TMED3: variants seen among roughly 807,000 people sequenced by gnomAD.
TMED3 encodes the protein transmembrane emp24 domain-containing protein 3.
TMED3 carries 9 observed loss-of-function variants against 15.0 expected under a neutral mutation model. That is an observed-to-expected ratio of 0.60 (90% CI 0.36 to 1.04). The LOEUF (loss-of-function observed/expected upper bound fraction) is 1.04, where lower values mean the gene tolerates loss of function less well. Among genes scored for constraint, TMED3 ranks in the 50% least tolerant of loss-of-function variants. TMED3 has a pLI of 0.01. For missense variants in TMED3, 267 were observed against 278.9 expected, an observed-to-expected ratio of 0.96 and a Z score of 0.30; for synonymous variants, 117 against 121.4, an observed-to-expected ratio of 0.96 and a Z score of 0.24.
At chr15:79,380,521 A>G (rs1381611715) in intron 2 of TMED3, among the ~76,000 whole-genome samples, 1 of 147,370 alleles carries the variant, frequency 6.8e-6, no homozygotes, top group Non-Finnish European at 1.5e-5. Flanking sequence ...ATAGTTATAT[A>G]TAGTTATATA....
At chr15:79,354,651 G>T (rs2058911471) in intron 2 of TMED3, among the ~76,000 whole-genome samples, 1 of 150,990 alleles carries the variant, frequency 6.6e-6, no homozygotes, top group Admixed American at 6.6e-5. Flanking sequence ...AAAATTCAAG[G>T]AAAGGTTCAC....
chr15:79,386,934 CTT>C lies in TMED3; in HGVS notation c.418-24452_418-24451del, dbSNP rs372149513. The stretch of plus-strand genomic sequence containing the variant: ...CTTTCTTTCTTTTTAATCTTTTAAT[CTT>C]TTTTTTTTTTTTTGAGACAATGTCT... On this transcript the variant is annotated intron_variant, in intron 2 of 2. Transcript: ENST00000424155. Among the ~76,000 whole-genome samples, 475 of 137,322 alleles carry C rather than the reference CTT, an allele frequency of 3.5e-3. 5 individuals carry two copies. The highest frequency in any genetic ancestry group is 0.012 in the African/African-American group (435 of 37,120). The allele number at this position is 137,322 out of a possible 152,430, so 90.1% of individuals were successfully genotyped here.
intron 2 of TMED3, among the ~76,000 whole-genome samples, chr15:79,331,442 A>C (rs1420480941): frequency 6.6e-6 from 1 of 152,002 alleles, no homozygotes; most frequent in East Asian, 1.9e-4. Context: ...AAGACCCCAA[A>C]TGTTAAAACT....
At chr15:79,346,334 C>T (rs1166316039) in intron 2 of TMED3, among the ~76,000 whole-genome samples, 1 of 152,106 alleles carries the variant, frequency 6.6e-6, no homozygotes, top group African/African-American at 2.4e-5. Context: ...CCCATAATTC[C>T]CATGTGTCGT....
chr15:79,358,882 G>T (rs1468431028), intron 2 of TMED3, among the ~76,000 whole-genome samples: 1 of 152,142 alleles, frequency 6.6e-6, no homozygotes. Context: ...CAGGAGAGCC[G>T]TGGCCTGGAC....
At chr15:79,337,115 A>G (rs2058830110) in intron 2 of TMED3, among the ~76,000 whole-genome samples, 1 of 152,206 alleles carries the variant, frequency 6.6e-6, no homozygotes, top group African/African-American at 2.4e-5. Flanking sequence ...CTGCCATAAC[A>G]AAGTGTCCAA....
chr15:79,351,300 T>C (rs1399338770), intron 2 of TMED3, among the ~76,000 whole-genome samples: 1 of 152,126 alleles, frequency 6.6e-6, no homozygotes, highest in Non-Finnish European at 1.5e-5. Flanking sequence ...TTTCCAAGAG[T>C]CTACGGCTCT....
At chr15:79,361,391 C>T (rs925368009) in intron 2 of TMED3, among the ~76,000 whole-genome samples, 6 of 152,126 alleles carry the variant, frequency 3.9e-5, no homozygotes, top group East Asian at 1.9e-4. Flanking sequence ...TCAATATATA[C>T]GATGGAACAC....
At chr15:79,411,332 T>A in intron 2 of TMED3, 1 of 690,104 alleles carries the variant, frequency 1.4e-6, no homozygotes, top group Non-Finnish European at 2.6e-6. Context: ...AATGGAGGGC[T>A]TTATCCTGGG....
At position 79,380,600 on chromosome 15, in the gene TMED3, T is replaced by TATATAGAGAGAGAGAG. The variant is rs1179065508; in HGVS notation, c.418-30799_418-30798insTATAGAGAGAGAGAGA. Among the ~76,000 whole-genome samples the TATATAGAGAGAGAGAG allele has an allele frequency of 2.0e-5, 3 of 146,580 alleles. No individual in the cohort carries two copies. The Admixed American group carries it at 2.1e-4, about 10-fold the overall frequency. Reference sequence around the variant, plus strand: ...ATAGTTTTATATATATATATATATATAGAGAGAGAGAGGGTATATTTTCTG... The same window carrying TATATAGAGAGAGAGAG: ...ATAGTTTTATATATATATATATATATATATAGAGAGAGAGAGAGAGAGAGAGAGGGTATATTTTCTG... On this transcript the variant is annotated intron_variant, in intron 2 of 2. Transcript: ENST00000424155.
At chr15:79,361,792 C>G (rs749651135) in intron 2 of TMED3, among the ~76,000 whole-genome samples, 3 of 152,002 alleles carry the variant, frequency 2.0e-5, no homozygotes, top group Non-Finnish European at 4.4e-5. Context: ...AATTAATGAC[C>G]TGAAATTATG....
intron 2 of TMED3, among the ~76,000 whole-genome samples, chr15:79,358,450 G>A (rs1029652390): frequency 6.6e-6 from 1 of 152,238 alleles, no homozygotes; most frequent in Admixed American, 6.5e-5. Flanking sequence ...ATGTTTGGCT[G>A]TGGATTGCAG....
intron 2 of TMED3, among the ~76,000 whole-genome samples, chr15:79,380,581 T>G (rs28862961): frequency 4.9e-5 from 5 of 102,890 alleles, no homozygotes; most frequent in Admixed American, 3.1e-4. Flanking sequence ...ATATATAGTT[T>G]TATATATATA....
chr15:79,363,295 C>G (rs141397583), intron 2 of TMED3, among the ~76,000 whole-genome samples: 1 of 151,946 alleles, frequency 6.6e-6, no homozygotes, highest in Non-Finnish European at 1.5e-5. Context: ...TCTAATCATA[C>G]AACAAAGGTA....
At chr15:79,410,934 G>A (rs2141261192) in intron 2 of TMED3, among the ~76,000 whole-genome samples, 1 of 152,222 alleles carries the variant, frequency 6.6e-6, no homozygotes, top group African/African-American at 2.4e-5. Flanking sequence ...AGTGTTTTAT[G>A]TGTCTTTTGA....
intron 2 of TMED3, among the ~76,000 whole-genome samples, chr15:79,320,484 C>T (rs1476754193): frequency 6.6e-6 from 1 of 152,112 alleles, no homozygotes; most frequent in Non-Finnish European, 1.5e-5. Flanking sequence ...ACCTGGGTGG[C>T]TTGCCGCCCA....
chr15:79,353,302 A>ATATATAATATACATAATATATATTATG (rs1567030603), intron 2 of TMED3, among the ~76,000 whole-genome samples: 1 of 9,764 alleles, frequency 1.0e-4, no homozygotes, highest in African/African-American at 3.4e-4. Context: ...TGTATATTAT[A>ATATATAATATACATAATATATATTATG]TATATTATAT....
chr15:79,375,688 G>A (rs141579300), intron 2 of TMED3, among the ~76,000 whole-genome samples: 9 of 152,154 alleles, frequency 5.9e-5, no homozygotes, highest in African/African-American at 2.2e-4. Flanking sequence ...ACTTACTATC[G>A]TAAGGACAGC....
At chr15:79,315,349 A>G (rs2058736134) in intron 2 of TMED3, among the ~76,000 whole-genome samples, 1 of 152,220 alleles carries the variant, frequency 6.6e-6, no homozygotes, top group Non-Finnish European at 1.5e-5. Context: ...ATGCATAGAA[A>G]GTTCCATTGT....
Sources: gnomAD v4.1 joint callset for allele counts (sites outside exome capture counted in the v4.1 genomes callset) on GRCh38, gnomAD v4.1.1 for gene constraint, MANE v1.5 for transcripts, NCBI Gene and HGNC (gene_info 2026-07-23, HGNC 2026-07-21) for gene names.